HELLS: variants seen among roughly 807,000 people sequenced by gnomAD.
HELLS encodes helicase, lymphoid specific.
A neutral mutation model predicts 120.0 loss-of-function variants in HELLS; 32 were observed. The observed-to-expected ratio is 0.27, with a 90% CI of 0.20 to 0.36. The LOEUF (loss-of-function observed/expected upper bound fraction) is 0.36. Ranked by LOEUF, HELLS falls within the 10% of genes least tolerant of loss-of-function variation. The pLI is 1.00. For missense variants in HELLS, 650 were observed against 993.4 expected, an observed-to-expected ratio of 0.65 and a Z score of 4.65; for synonymous variants, 341 against 323.4, an observed-to-expected ratio of 1.05 and a Z score of -0.58.
chr10:94,550,927 T>TAAGGTATC (rs1262570730), intron 2 of HELLS: 2 of 152,100 alleles, frequency 1.3e-5, no homozygotes, highest in Non-Finnish European at 2.9e-5. Flanking sequence ...GTACAGGATT[T>TAAGGTATC]AAGGTATCAA....
chr10:94,575,911 T>C (rs1279181239), intron 9 of HELLS, among the ~76,000 whole-genome samples: 1 of 151,804 alleles, frequency 6.6e-6, no homozygotes, highest in Non-Finnish European at 1.5e-5. Context: ...GATTCTCCTG[T>C]CTCAGCCTCC....
At chr10:94,589,680 C>CTT (rs67491329) in intron 13 of HELLS, among the ~76,000 whole-genome samples, 1,092 of 91,960 alleles carry the variant, frequency 0.012, 9 homozygotes, top group African/African-American at 0.015. Flanking sequence ...CTCCCCCCGA[C>CTT]TTTTTTTTTT....
intron 7 of HELLS, among the ~76,000 whole-genome samples, chr10:94,571,981 T>C (rs1844196141): frequency 6.6e-6 from 1 of 152,184 alleles, no homozygotes; most frequent in Non-Finnish European, 1.5e-5. Context: ...GGATATGAAC[T>C]TCAGGTAGTT....
chr10:94,555,529 G>A (rs1003879065), intron 3 of HELLS, among the ~76,000 whole-genome samples: 5 of 152,218 alleles, frequency 3.3e-5, no homozygotes, highest in South Asian at 2.1e-4. Context: ...AGAGGATGGC[G>A]CATCCAGAAA....
Position 94,601,696 on chromosome 10 carries a change from T to TA in HELLS, c.*74_*75insA. 2 of 743,642 alleles carry TA rather than the reference T, an allele frequency of 2.7e-6. No individual in the cohort carries two copies. Among genetic ancestry groups the TA allele is most frequent in the Admixed American group, 5.3e-5 (2 of 37,420 alleles). The allele number at this position is 743,642 out of a possible 1,614,324, so 46.1% of individuals were successfully genotyped here. Reference sequence around the variant, plus strand: ...TTTCCCTGTATTGGGTTTGAAATACTGATTGTCCACTTCACCTTTTTTATT... The same window carrying TA: ...TTTCCCTGTATTGGGTTTGAAATACTAGATTGTCCACTTCACCTTTTTTATT... On this transcript the variant is annotated 3_prime_UTR_variant, in exon 22 of 22. Transcript: ENST00000348459.
intron 12 of HELLS, among the ~76,000 whole-genome samples, chr10:94,586,721 C>T (rs780259464): frequency 3.3e-5 from 5 of 151,748 alleles, no homozygotes; most frequent in Admixed American, 6.6e-5. Flanking sequence ...TTTGAGTCAA[C>T]GTCTCTGTCG....
chr10:94,573,796 G>A (rs1453166928), intron 7 of HELLS, among the ~76,000 whole-genome samples, 164 bp from the exon 8 acceptor site: 1 of 151,772 alleles, frequency 6.6e-6, no homozygotes, highest in Non-Finnish European at 1.5e-5. Flanking sequence ...TTCATTTGTA[G>A]AGGGATGGCG....
At chr10:94,586,638 G>A in intron 12 of HELLS, among the ~76,000 whole-genome samples, 1 of 152,126 alleles carries the variant, frequency 6.6e-6, no homozygotes, top group East Asian at 1.9e-4. Flanking sequence ...ACCATTGTCA[G>A]TATTTAATGG....
At chr10:94,569,963 C>T (rs926052922) in intron 6 of HELLS, 3 of 151,866 alleles carry the variant, frequency 2.0e-5, no homozygotes, top group Admixed American at 6.6e-5. Flanking sequence ...TTCTCTGCCT[C>T]TTGTGTTTCC....
intron 6 of HELLS, among the ~76,000 whole-genome samples, chr10:94,567,159 A>G (rs1007618730): frequency 1.3e-5 from 2 of 152,158 alleles, no homozygotes; most frequent in Non-Finnish European, 2.9e-5. Flanking sequence ...CTGCTCCTCC[A>G]AGTTATCCCT....
chr10:94,585,099 T>TA (rs869237070), intron 12 of HELLS, among the ~76,000 whole-genome samples: 1 of 151,866 alleles, frequency 6.6e-6, no homozygotes, highest in South Asian at 2.1e-4. Context: ...CCTTGCATAG[T>TA]AAAAAAAATT....
Position 94,578,985 on chromosome 10 carries a change from C to T in HELLS, c.1032+2180C>T, listed in dbSNP as rs118137695. ...AGCTTCCCTTTTCTGTAAATACAGA[C>T]GAGGCTTCCCTCGCTCACAGCTGCT... is the stretch of plus-strand genomic sequence containing the variant. On this transcript the variant is annotated intron_variant, in intron 10 of 21. Transcript: ENST00000348459. 3.9e-3 allele frequency among the ~76,000 whole-genome samples: 593 copies of T among 152,128 alleles called. 7 individuals carry two copies. Among genetic ancestry groups the T allele is most frequent in the Middle Eastern group, 6.8e-3 (2 of 294 alleles).
At chr10:94,580,015 T>G (rs1163662384) in intron 10 of HELLS, among the ~76,000 whole-genome samples, 1 of 151,092 alleles carries the variant, frequency 6.6e-6, no homozygotes, top group Non-Finnish European at 1.5e-5. Flanking sequence ...CTTTTGTTGC[T>G]GAGTGCGAGT....
At chr10:94,570,328 G>GT (rs1317528401) in intron 6 of HELLS, 1 of 152,006 alleles carries the variant, frequency 6.6e-6, no homozygotes, top group Admixed American at 6.6e-5. Context: ...TCTTTCAAAA[G>GT]TTTCATTTTA....
At chr10:94,574,269 C>T in intron 8 of HELLS, 82 bp downstream of exon 8, 1 of 882,958 alleles carries the variant, frequency 1.1e-6, no homozygotes, top group Non-Finnish European at 1.8e-6. Context: ...CAACTTGAGT[C>T]ATTTCTATCA....
chr10:94,546,524 C>A, intron 2 of HELLS, 26 bp downstream of exon 2: 1 of 1,613,328 alleles, frequency 6.2e-7, no homozygotes, highest in South Asian at 1.1e-5. Context: ...GGTTCGTCGT[C>A]GTGAAAGCCT....
intron 9 of HELLS, among the ~76,000 whole-genome samples, chr10:94,576,290 C>A (rs1844476931): frequency 6.6e-6 from 1 of 152,042 alleles, no homozygotes; most frequent in Admixed American, 6.5e-5. Context: ...GTAGCTGGCA[C>A]TACGGGTGCG....
chr10:94,576,041 C>T (rs1017353677), intron 9 of HELLS, among the ~76,000 whole-genome samples: 1 of 152,104 alleles, frequency 6.6e-6, no homozygotes, highest in East Asian at 1.9e-4. Flanking sequence ...AGGTGGTCTG[C>T]CCGCCTCAGC....
At chr10:94,559,026 C>T (rs900349816) in intron 4 of HELLS, among the ~76,000 whole-genome samples, 2 of 152,110 alleles carry the variant, frequency 1.3e-5, no homozygotes, top group African/African-American at 2.4e-5. Flanking sequence ...TTTGTGAATT[C>T]GCCTACTCAC....
Sources: allele counts gnomAD v4.1 joint callset (sites outside exome capture counted in the v4.1 genomes callset), GRCh38; gene constraint gnomAD v4.1.1; transcripts MANE v1.5; gene names NCBI Gene and HGNC (gene_info 2026-07-23, HGNC 2026-07-21).